IGFL2: variants seen among roughly 807,000 people sequenced by gnomAD.
The protein encoded by IGFL2 is IGF like family member 2.
A neutral mutation model predicts 13.9 loss-of-function variants in IGFL2; 7 were observed. The ratio of observed to expected loss-of-function variants is 0.51; its 90% CI spans 0.29 to 0.95. The LOEUF (loss-of-function observed/expected upper bound fraction) is 0.95. Among genes scored for constraint, IGFL2 ranks in the 40% least tolerant of loss-of-function variants. IGFL2 has a pLI of 0.08. For synonymous variants in IGFL2, 55 were observed against 55.8 expected (o/e 0.99, Z 0.07); for missense variants, 138 against 147.8 (o/e 0.93, Z 0.34).
chr19:46,103,905 C>G, the IGFL2 span, among the ~76,000 whole-genome samples: 3 of 152,164 alleles, frequency 2.0e-5, no homozygotes, highest in Non-Finnish European at 4.4e-5. Flanking sequence ...GTCTGTCTGA[C>G]AGACAAAGCT....
intron 1 of IGFL2, chr19:46,159,531 T>C (rs1226145763): frequency 6.6e-6 from 1 of 152,204 alleles, no homozygotes; most frequent in Non-Finnish European, 1.5e-5. Context: ...ACCCTTCCTC[T>C]TATTTTGCTC....
chr19:46,153,271 A>G (rs1600914413), intron 1 of IGFL2, among the ~76,000 whole-genome samples: 1 of 152,300 alleles, frequency 6.6e-6, no homozygotes, highest in East Asian at 1.9e-4. Context: ...AAAATTCACC[A>G]TCTGGGTCTG....
the IGFL2 span, among the ~76,000 whole-genome samples, chr19:46,121,961 G>A: frequency 6.6e-6 from 1 of 150,978 alleles, no homozygotes; most frequent in Non-Finnish European, 1.5e-5. Flanking sequence ...ATGTAAAAAT[G>A]TAAAAACAAA....
At chr19:46,183,777 C>G in the IGFL2 span, among the ~76,000 whole-genome samples, 1 of 152,162 alleles carries the variant, frequency 6.6e-6, no homozygotes, top group Non-Finnish European at 1.5e-5. Flanking sequence ...CTCAGATGAT[C>G]TGCCTGCCTC....
At chr19:46,171,973 CA>C in the IGFL2 span, among the ~76,000 whole-genome samples, 8,264 of 148,140 alleles carry the variant, frequency 0.056, 700 homozygotes, top group African/African-American at 0.19. Flanking sequence ...ATCTGAATTG[CA>C]AAAAAAAAAT....
At chr19:46,095,856 T>C in the IGFL2 span, among the ~76,000 whole-genome samples, 88 of 152,304 alleles carry the variant, frequency 5.8e-4, no homozygotes, top group African/African-American at 1.9e-3. Flanking sequence ...TGTGGACTTA[T>C]TTTTGAGATC....
the IGFL2 span, among the ~76,000 whole-genome samples, chr19:46,122,447 C>T: frequency 1.3e-5 from 2 of 150,888 alleles, no homozygotes; most frequent in Non-Finnish European, 2.9e-5. Context: ...TTTCCTGAGC[C>T]AAAAGATACA....
At chr19:46,097,697 G>C in the IGFL2 span, among the ~76,000 whole-genome samples, 1 of 152,124 alleles carries the variant, frequency 6.6e-6, no homozygotes, top group African/African-American at 2.4e-5. Context: ...CAGAGATTCT[G>C]GTACATTGTC....
chr19:46,085,382 A>G, the IGFL2 span, among the ~76,000 whole-genome samples: 1 of 152,252 alleles, frequency 6.6e-6, no homozygotes, highest in Non-Finnish European at 1.5e-5. Context: ...CTCTATCATT[A>G]TGTAATGCCC....
chr19:46,176,663 A>C, the IGFL2 span, among the ~76,000 whole-genome samples: 126 of 152,242 alleles, frequency 8.3e-4, 2 homozygotes, highest in Middle Eastern at 0.017. Flanking sequence ...AGGGATCTAC[A>C]CATGTGGGTG....
the IGFL2 span, among the ~76,000 whole-genome samples, chr19:46,094,185 A>G: frequency 1.3e-5 from 2 of 152,084 alleles, no homozygotes; most frequent in Non-Finnish European, 2.9e-5. Flanking sequence ...GAGGCTTTTT[A>G]TAAAGGTGTA....
upstream of IGFL2, among the ~76,000 whole-genome samples, chr19:46,140,669 G>C (rs1972821612): frequency 6.6e-6 from 1 of 152,196 alleles, no homozygotes; most frequent in South Asian, 2.1e-4. Flanking sequence ...CCTACGATTT[G>C]TTGACAGGCA....
the IGFL2 span, among the ~76,000 whole-genome samples, chr19:46,179,001 GAGCAGAGAGAAGA>G: frequency 6.6e-6 from 1 of 151,934 alleles, no homozygotes; most frequent in Non-Finnish European, 1.5e-5. Flanking sequence ...ACAGTGAGTA[GAGCAGAGAGAAGA>G]GGCAGAGAGA....
chr19:46,156,285 G>A (rs139523722), intron 1 of IGFL2, among the ~76,000 whole-genome samples: 1 of 152,280 alleles, frequency 6.6e-6, no homozygotes. Flanking sequence ...TTACTTAGGT[G>A]TTCTTTAGTA....
the IGFL2 span, among the ~76,000 whole-genome samples, chr19:46,194,256 A>G: frequency 6.6e-6 from 1 of 152,036 alleles, no homozygotes; most frequent in Non-Finnish European, 1.5e-5. Context: ...TTTAATATCC[A>G]AAATACCCAG....
At chr19:46,191,240 A>G in the IGFL2 span, among the ~76,000 whole-genome samples, 1 of 152,192 alleles carries the variant, frequency 6.6e-6, no homozygotes, top group Admixed American at 6.5e-5. Flanking sequence ...CAGCCCAGAA[A>G]GGGAAGACGC....
the IGFL2 span, among the ~76,000 whole-genome samples, chr19:46,171,698 CAAG>C: frequency 6.6e-6 from 1 of 152,160 alleles, no homozygotes; most frequent in Admixed American, 6.5e-5. Context: ...CCCAACCTCT[CAAG>C]GAGAAAATGC....
intron 1 of IGFL2, among the ~76,000 whole-genome samples, chr19:46,154,058 A>G (rs993185953): frequency 2.6e-5 from 4 of 151,436 alleles, no homozygotes; most frequent in East Asian, 1.9e-4. Context: ...TCACAGTTCA[A>G]CTCTCACTTC....
the IGFL2 span, among the ~76,000 whole-genome samples, chr19:46,103,292 G>A: frequency 3.9e-5 from 6 of 152,144 alleles, no homozygotes; most frequent in East Asian, 9.7e-4. Flanking sequence ...AAGCCTCGGC[G>A]ATTTTGGAGG....
Sources: gnomAD v4.1 joint callset for allele counts (sites outside exome capture counted in the v4.1 genomes callset) on GRCh38, gnomAD v4.1.1 for gene constraint, MANE v1.5 for transcripts, NCBI Gene and HGNC (gene_info 2026-07-23, HGNC 2026-07-21) for gene names.